HMBOX1: variants seen among roughly 807,000 people sequenced by gnomAD.
HMBOX1 encodes the protein homeobox containing 1.
In HMBOX1, 14 loss-of-function variants were observed where a neutral mutation model predicts 54.5. The observed-to-expected ratio is 0.26, with a 90% CI of 0.17 to 0.40. The LOEUF is 0.40. Ranked by LOEUF, HMBOX1 falls within the 10% of genes least tolerant of loss-of-function variation. The pLI is 1.00. For missense variants in HMBOX1, 332 were observed against 514.4 expected, an observed-to-expected ratio of 0.65 and a Z score of 3.43; for synonymous variants, 160 against 181.0, an observed-to-expected ratio of 0.88 and a Z score of 0.93.
intron 1 of HMBOX1, among the ~76,000 whole-genome samples, chr8:28,947,980 G>A (rs1023630517): frequency 1.3e-5 from 2 of 152,122 alleles, no homozygotes; most frequent in African/African-American, 2.4e-5. Flanking sequence ...CTGGAGTATA[G>A]TGGTGCAGAT....
chr8:28,944,911 G>A (rs1282431943), intron 1 of HMBOX1, among the ~76,000 whole-genome samples: 1 of 152,108 alleles, frequency 6.6e-6, no homozygotes, highest in African/African-American at 2.4e-5. Context: ...GTTGCTGGGG[G>A]AAAGCAAGCC....
At chr8:28,899,377 C>G (rs924382642) in intron 1 of HMBOX1, among the ~76,000 whole-genome samples, 2 of 152,162 alleles carry the variant, frequency 1.3e-5, no homozygotes, top group Admixed American at 6.5e-5. Context: ...CTAGAGACAT[C>G]TTAGGAGAAC....
At position 29,013,386 on chromosome 8, in the gene HMBOX1, G is replaced by A. The variant is rs141914588; in HGVS notation, c.697+4204G>A. ...CCTGACCTCGTGATCCACCCACCTC[G>A]GCTTTCCAAAGTGCTGGGATTATAG... is the stretch of plus-strand genomic sequence containing the variant. On this transcript the variant is annotated intron_variant, in intron 5 of 9. Coordinates refer to ENST00000287701, the MANE Select transcript of HMBOX1 (RefSeq NM_001135726.3). 5.7e-3 allele frequency among the ~76,000 whole-genome samples: 870 copies of A among 152,256 alleles called. 4 individuals are homozygous for A. Among genetic ancestry groups the A allele is most frequent in the African/African-American group, 0.02 (843 of 41,542 alleles).
chr8:28,974,498 A>T (rs1051356925), intron 3 of HMBOX1, among the ~76,000 whole-genome samples: 1 of 152,136 alleles, frequency 6.6e-6, no homozygotes, highest in African/African-American at 2.4e-5. Flanking sequence ...TAAGGATATT[A>T]TTCTTAACAA....
chr8:28,928,627 A>G (rs941437243), intron 1 of HMBOX1, among the ~76,000 whole-genome samples: 17 of 152,232 alleles, frequency 1.1e-4, no homozygotes, highest in African/African-American at 3.9e-4. Flanking sequence ...TCCCCAGATA[A>G]ATAAAGAAAA....
intron 4 of HMBOX1, among the ~76,000 whole-genome samples, chr8:28,991,678 G>GT (rs1440718379): frequency 2.0e-5 from 3 of 152,080 alleles, no homozygotes; most frequent in African/African-American, 4.8e-5. Flanking sequence ...TTTCTTAAGT[G>GT]TTTTTTTCTC....
chr8:29,018,860 G>A lies in HMBOX1; in HGVS notation c.798G>A (p.Leu266=), dbSNP rs775254543. 6.2e-7 allele frequency: 1 copy of A among 1,614,158 alleles called. No individual in the cohort carries two copies. Among genetic ancestry groups the A allele is most frequent in the Non-Finnish European group, 8.5e-7 (1 of 1,179,998 alleles). The change falls in exon 6 of 10, where the codon CTG becomes CTA. Residue 266 remains leucine (L), a synonymous_variant. Transcript: ENST00000287701. ...PVSATSGTFR[L]RRGSRFTWRK... ...CTGCCACATCTGGTACTTTCCGACT[G>A]CGACGAGGGAGTCGATTTACCTGGA...
chr8:29,018,944 C>G, intron 6 of HMBOX1, 31 bp downstream of exon 6: 2 of 1,609,344 alleles, frequency 1.2e-6, no homozygotes, highest in South Asian at 1.1e-5. Flanking sequence ...CGAATGATCT[C>G]CCAAACTTAG....
intron 1 of HMBOX1, among the ~76,000 whole-genome samples, chr8:28,960,765 CTT>C (rs1162477676): frequency 4.3e-4 from 7 of 16,262 alleles, no homozygotes; most frequent in Non-Finnish European, 6.6e-4. Context: ...TTTTCTTTTT[CTT>C]TTTTTTTTTT....
chr8:28,955,567 A>C (rs1056282367), intron 1 of HMBOX1, among the ~76,000 whole-genome samples: 2 of 152,174 alleles, frequency 1.3e-5, no homozygotes, highest in Non-Finnish European at 2.9e-5. Context: ...ATAAAACTCT[A>C]ATTCTTTTTA....
chr8:29,031,257 G>A (rs997897857), intron 6 of HMBOX1, among the ~76,000 whole-genome samples: 1 of 152,180 alleles, frequency 6.6e-6, no homozygotes, highest in South Asian at 2.1e-4. Flanking sequence ...GAAATTCAGC[G>A]AATGTTTTTC....
chr8:28,974,491 G>A (rs533602051), intron 3 of HMBOX1, among the ~76,000 whole-genome samples: 1 of 152,122 alleles, frequency 6.6e-6, no homozygotes, highest in African/African-American at 2.4e-5. Context: ...CATACATTAA[G>A]GATATTATTC....
intron 1 of HMBOX1, among the ~76,000 whole-genome samples, chr8:28,908,532 A>T (rs1027606642): frequency 6.6e-6 from 1 of 152,230 alleles, no homozygotes; most frequent in Non-Finnish European, 1.5e-5. Flanking sequence ...AGGCGGGCAG[A>T]TCACCTGAGG....
At chr8:28,892,687 A>G (rs1811257756) in intron 1 of HMBOX1, among the ~76,000 whole-genome samples, 1 of 152,144 alleles carries the variant, frequency 6.6e-6, no homozygotes, top group South Asian at 2.1e-4. Context: ...TCACACAGAT[A>G]AGGGGGACTG....
chr8:29,017,989 A>G (rs185141338), intron 5 of HMBOX1, among the ~76,000 whole-genome samples: 1 of 152,284 alleles, frequency 6.6e-6, no homozygotes, highest in Non-Finnish European at 1.5e-5. Context: ...GAATTTTTTG[A>G]AGGTTTTTGA....
chr8:28,917,826 TTGAC>T (rs1433077796), intron 1 of HMBOX1, among the ~76,000 whole-genome samples: 1 of 152,198 alleles, frequency 6.6e-6, no homozygotes, highest in African/African-American at 2.4e-5. Context: ...GAGAATTACA[TTGAC>T]TGATTTTTGA....
chr8:28,913,382 C>T (rs988321048), intron 1 of HMBOX1, among the ~76,000 whole-genome samples: 21 of 152,156 alleles, frequency 1.4e-4, no homozygotes, highest in African/African-American at 4.1e-4. Flanking sequence ...CTTTTTCCTG[C>T]CTGTTACCCC....
chr8:28,942,641 A>G (rs893029597), intron 1 of HMBOX1, among the ~76,000 whole-genome samples: 1 of 152,140 alleles, frequency 6.6e-6, no homozygotes, highest in Non-Finnish European at 1.5e-5. Context: ...ACATGTGTAT[A>G]TTCAGCTCCT....
At chr8:28,965,912 G>T (rs1048788780) in intron 2 of HMBOX1, among the ~76,000 whole-genome samples, 3 of 152,078 alleles carry the variant, frequency 2.0e-5, no homozygotes, top group African/African-American at 7.2e-5. Context: ...TGACCCTAGA[G>T]TGTGTTAAAT....
Sources: allele counts gnomAD v4.1 joint callset (sites outside exome capture counted in the v4.1 genomes callset), GRCh38; gene constraint gnomAD v4.1.1; transcripts MANE v1.5; gene names NCBI Gene and HGNC (gene_info 2026-07-23, HGNC 2026-07-21).